Variants in TMEM259 observed in about 807,000 individuals in gnomAD.
TMEM259 encodes transmembrane protein 259.
In TMEM259, 26 loss-of-function variants were observed where a neutral mutation model predicts 46.7. That is an observed-to-expected ratio of 0.56 (90% CI 0.41 to 0.77). The LOEUF (loss-of-function observed/expected upper bound fraction) is 0.77. Ranked by LOEUF, TMEM259 falls within the 30% of genes least tolerant of loss-of-function variation. The pLI, the probability that TMEM259 is intolerant of heterozygous loss-of-function variation, is 0.00. For missense variants in TMEM259, 930 were observed against 900.5 expected, an observed-to-expected ratio of 1.03 and a Z score of -0.42; for synonymous variants, 494 against 395.1, an observed-to-expected ratio of 1.25 and a Z score of -2.97.
chr19:1,012,656 G>T, intron 3 of TMEM259, 83 bp from the exon 4 acceptor site: 5 of 1,503,684 alleles, frequency 3.3e-6, no homozygotes, highest in Non-Finnish European at 4.5e-6. Context: ...GGCGTTGAGG[G>T]GTGGAGGGTG....
rs901289003 is a variant in TMEM259 at position 1,020,015 on chromosome 19, C to T, written c.225+757G>A. ...GGCGGGAGGGGGACAGAGCCCAAGACGCGGAGGCCGGTGCCTCATAGGGGA... is the reference window on the plus strand; with the variant it reads ...GGCGGGAGGGGGACAGAGCCCAAGATGCGGAGGCCGGTGCCTCATAGGGGA... On this transcript the variant is annotated intron_variant, in intron 1 of 10. Coordinates refer to ENST00000356663, the MANE Select transcript of TMEM259 (RefSeq NM_001033026.2). The surrounding 1 kb of genome is among the most constrained non-coding windows in gnomAD (Gnocchi z 4.0). 6.6e-6 allele frequency among the ~76,000 whole-genome samples: 1 copy of T among 151,818 alleles called. No homozygotes were observed. Among genetic ancestry groups the T allele is most frequent in the African/African-American group, 2.4e-5 (1 of 41,308 alleles).
intron 1 of TMEM259, among the ~76,000 whole-genome samples, chr19:1,019,020 G>A (rs1053267408): frequency 6.6e-6 from 1 of 150,792 alleles, no homozygotes; most frequent in Non-Finnish European, 1.5e-5. Flanking sequence ...ACCACCCAGA[G>A]ATCTCACAGT....
At chr19:1,012,611 C>T in intron 3 of TMEM259, 38 bp from the exon 4 acceptor site, 1 of 1,544,722 alleles carries the variant, frequency 6.5e-7, no homozygotes, top group Non-Finnish European at 8.7e-7. Context: ...AGCGCCCCCA[C>T]ACACGTCCCC....
In TMEM259 at chr19:1,010,705, C is replaced by T. The variant is rs1246913242; in HGVS notation, c.1508G>A (p.Gly503Asp). Residue 503 changes from glycine to aspartate, a missense_variant, in exon 11 of 11, where the codon GGC becomes GAC. Gly to Asp is a moderately conservative substitution (Grantham distance 94). Transcript: ENST00000356663. ...PDSAGQPPAL[G>D]PVSPGASGSP... ...CCCGCTGGCCCCAGGCGAGACGGGG[C>T]CCAGGGCGGGGGGCTGGCCGGCAGA... 6.5e-7 allele frequency: 1 copy of T among 1,529,640 alleles called. No individual in the cohort carries two copies. Among genetic ancestry groups the T allele is most frequent in the East Asian group, 2.5e-5 (1 of 40,772 alleles). 94.8% of individuals were successfully genotyped at this position (1,529,640 alleles called of 1,614,324 possible).
chr19:1,014,885 C>T (rs1328664192), intron 1 of TMEM259, among the ~76,000 whole-genome samples: 1 of 152,186 alleles, frequency 6.6e-6, no homozygotes, highest in African/African-American at 2.4e-5. Flanking sequence ...GGACTCAGAC[C>T]CACCAAGTGG....
rs1340827981 is a variant in TMEM259, at chr19:1,011,348, GC to G, written c.1217+18del. ...TGCCCACCAGCACCCACTCCACCCTGCCCCCGCGCCACGCTCACCGCAGCCA... is the reference window on the plus strand; with the variant it reads ...TGCCCACCAGCACCCACTCCACCCTGCCCCGCGCCACGCTCACCGCAGCCA... On this transcript the variant is annotated intron_variant, in intron 9 of 10. Coordinates refer to ENST00000356663, the MANE Select transcript of TMEM259 (RefSeq NM_001033026.2). 2 of 1,564,118 alleles carry G rather than the reference GC, an allele frequency of 1.3e-6. No individual in the cohort carries two copies. The highest frequency in any genetic ancestry group is 1.8e-5 in the Admixed American group (1 of 54,270).
intron 1 of TMEM259, among the ~76,000 whole-genome samples, chr19:1,015,419 C>A (rs1158851452): frequency 6.6e-6 from 1 of 152,182 alleles, no homozygotes; most frequent in Non-Finnish European, 1.5e-5. Context: ...GGAGCCCACG[C>A]CCCAGCGTGC....
In TMEM259 at chr19:1,010,100, C is replaced by T. The variant is rs1037640920; in HGVS notation, c.*250G>A. On this transcript the variant is annotated 3_prime_UTR_variant, in exon 11 of 11. Coordinates refer to ENST00000356663, the MANE Select transcript of TMEM259 (RefSeq NM_001033026.2). ...AGACCTACCAAGACCCCTCCAGAACCTTCCGCGGAACCCCACCCCCTCTCC... is the reference window on the plus strand; with the variant it reads ...AGACCTACCAAGACCCCTCCAGAACTTTCCGCGGAACCCCACCCCCTCTCC... 6.1e-6 allele frequency: 3 copies of T among 494,280 alleles called. No homozygotes were observed. Among genetic ancestry groups the T allele is most frequent in the African/African-American group, 4.1e-5 (2 of 49,004 alleles). The allele number at this position is 494,280 out of a possible 1,614,324, so 30.6% of individuals were successfully genotyped here.
chr19:1,018,770 GA>G (rs2039190913), intron 1 of TMEM259, among the ~76,000 whole-genome samples: 1 of 152,162 alleles, frequency 6.6e-6, no homozygotes, highest in African/African-American at 2.4e-5. Flanking sequence ...CAGATCACCT[GA>G]AATCAGCAGT....
intron 4 of TMEM259, 65 bp from the exon 5 acceptor site, chr19:1,012,253 C>A (rs1379065792): frequency 3.2e-6 from 5 of 1,546,766 alleles, no homozygotes; most frequent in Non-Finnish European, 2.6e-6. Flanking sequence ...CCTGCCCCAG[C>A]TGGCTCCATT....
chr19:1,011,964 C>G lies in TMEM259; in HGVS notation c.870G>C (p.Glu290Asp). ...TCCACATGCTCACAAAGCGGTAGTG[C>G]TCGCCCGACACCACATTCCGCAGGA... ...KGFLRNVVSG[E>D]HYRFVSMWMA... Residue 290 changes from glutamate to aspartate, a missense_variant, in exon 6 of 11, where the codon GAG (glutamate) becomes GAC (aspartate). Coordinates refer to ENST00000356663, the MANE Select transcript of TMEM259 (RefSeq NM_001033026.2). 2 of 1,612,172 alleles carry G rather than the reference C, an allele frequency of 1.2e-6. No individual in the cohort carries two copies. Among genetic ancestry groups the G allele is most frequent in the South Asian group, 1.1e-5 (1 of 91,076 alleles).
chr19:1,011,132 G>C lies in TMEM259; in HGVS notation c.1281C>G (p.Ser427Arg). Residue 427 changes from serine to arginine, a missense_variant, in exon 10 of 11, where the codon AGC becomes AGG. By Grantham distance (110) the Ser-to-Arg change is moderately radical. Coordinates refer to ENST00000356663, the MANE Select transcript of TMEM259 (RefSeq NM_001033026.2). ...GCCAGGAGGTGACCAGGGCCAGGCT[G>C]CTATACTGCCCATTGAAGCGGTAGT... is the stretch of plus-strand genomic sequence containing the variant. ...AYHYRFNGQY[S>R]SLALVTSWLF... 1 of 1,604,162 alleles carries C rather than the reference G, an allele frequency of 6.2e-7. No individual in the cohort carries two copies.
In TMEM259 at chr19:1,011,204, C is replaced by A; in HGVS notation, c.1218-9G>T. ...GGTAGAGATAGAAGAACCTGCGGGG[C>A]GGGGTGAGGGCGTCGGGGCTGCAGG... is the stretch of plus-strand genomic sequence containing the variant. On this transcript the variant is annotated splice_polypyrimidine_tract_variant and intron_variant, in intron 9 of 10. Coordinates refer to ENST00000356663, the MANE Select transcript of TMEM259 (RefSeq NM_001033026.2). 1.3e-6 allele frequency: 2 copies of A among 1,584,196 alleles called. No individual in the cohort carries two copies. Among genetic ancestry groups the A allele is most frequent in the East Asian group, 2.3e-5 (1 of 43,058 alleles).
chr19:1,014,148 C>T (rs765254930), intron 2 of TMEM259, 44 bp downstream of exon 2: 18 of 1,577,874 alleles, frequency 1.1e-5, no homozygotes, highest in African/African-American at 8.1e-5. Context: ...CCAGCATCTA[C>T]GGGGCGCTGG....
Position 1,016,718 on chromosome 19 carries a change from T to C in TMEM259, c.226-2245A>G, listed in dbSNP as rs574812395. Among the ~76,000 whole-genome samples, 12 of 152,162 alleles carry C rather than the reference T, an allele frequency of 7.9e-5. No homozygotes were observed. The South Asian group carries it at 8.3e-4, about 10-fold the overall frequency. On this transcript the variant is annotated intron_variant, in intron 1 of 10. Transcript: ENST00000356663. ...GAGGGAGGGGCCAGGGCAGTGCCAG[T>C]CTGCACAATTAAGGCCCCACGGGGA... is the stretch of plus-strand genomic sequence containing the variant.
chr19:1,010,567 G>A lies in TMEM259; in HGVS notation c.1646C>T (p.Thr549Ile), dbSNP rs764231714. Residue 549 changes from threonine (T) to isoleucine (I), a missense_variant, in exon 11 of 11, where the codon ACA becomes ATA. By Grantham distance (89) the Thr-to-Ile change is moderately conservative. Coordinates refer to ENST00000356663, the MANE Select transcript of TMEM259 (RefSeq NM_001033026.2). ...GWMAETAAII[T>I]DASFLSGLSA... is the part of the protein sequence containing the mutation. ...CAGGCCGGACAGGAAGGAGGCGTCT[G>A]TGATGATGGCAGCGGTCTCTGCCAT... The A allele has an allele frequency of 6.5e-6, 10 of 1,549,836 alleles. No homozygotes were observed. Among genetic ancestry groups the A allele is most frequent in the African/African-American group, 1.4e-5 (1 of 73,128 alleles).
intron 2 of TMEM259, chr19:1,013,653 G>C: frequency 3.1e-6 from 1 of 322,602 alleles, no homozygotes; most frequent in Non-Finnish European, 5.9e-6. Context: ...CTTGGGGTTG[G>C]CTCTGTGGGA....
In TMEM259 at chr19:1,014,418, G is replaced by A. The variant is rs1325969259; in HGVS notation, c.281C>T (p.Pro94Leu). Residue 94 changes from proline (P) to leucine (L), a missense_variant, in exon 2 of 11, where the codon CCC becomes CTC. Transcript: ENST00000356663. ...AYIHIVFSRS[P>L]INCLEHVRDK... is the part of the protein sequence containing the mutation. ...ACGCACATGCTCCAGGCAGTTGATG[G>A]GCGAGCGGGAGAAGACGATGTGGAT... 6.2e-7 allele frequency: 1 copy of A among 1,612,476 alleles called. No homozygotes were observed. The highest frequency in any genetic ancestry group is 8.5e-7 in the Non-Finnish European group (1 of 1,179,890).
Position 1,014,504 on chromosome 19 carries a change from C to G in TMEM259, c.226-31G>C, listed in dbSNP as rs751589731. On this transcript the variant is annotated intron_variant, in intron 1 of 10. Transcript: ENST00000356663. ...GGGCGGCCGGCAGTCAGTGGGGCGCCCCAGGGCCAGCTGCAGCCGACACCC... is the reference window on the plus strand; with the variant it reads ...GGGCGGCCGGCAGTCAGTGGGGCGCGCCAGGGCCAGCTGCAGCCGACACCC... 5 of 1,591,750 alleles carry G rather than the reference C, an allele frequency of 3.1e-6. No homozygotes were observed. The Admixed American group carries it at 8.6e-5, about 27-fold the overall frequency.
Sources: allele counts gnomAD v4.1 joint callset (sites outside exome capture counted in the v4.1 genomes callset), GRCh38; gene constraint gnomAD v4.1.1; non-coding constraint Gnocchi (gnomAD v3.1); transcripts MANE v1.5; gene names NCBI Gene and HGNC (gene_info 2026-07-23, HGNC 2026-07-21).